Variants in AARD observed in about 807,000 individuals in gnomAD.
The protein encoded by AARD is alanine and arginine rich domain containing protein.
In AARD, 9 loss-of-function variants were observed where a neutral mutation model predicts 9.3. The ratio of observed to expected loss-of-function variants is 0.97; its 90% CI spans 0.58 to 1.69. AARD has a LOEUF of 1.69. Among genes scored for constraint, AARD ranks in the 40% most tolerant of loss-of-function variants. AARD has a pLI of 0.00. For missense variants in AARD, 236 were observed against 210.3 expected (o/e 1.12, Z -0.76); for synonymous variants, 91 against 93.8 (o/e 0.97, Z 0.17).
Position 116,938,491 on chromosome 8 carries a change from C to T in AARD, c.248C>T (p.Ala83Val), listed in dbSNP as rs566716899. Reference protein sequence around the residue: ...RAISRRVQEAAAAAAAREEQS... With the variant: ...RAISRRVQEAVAAAAAREEQS... ...ATCTCGAGGCGCGTGCAGGAGGCGG[C>T]GGCGGCGGCGGCGGCGCGGGAGGAG... Residue 83 changes from alanine (A) to valine (V), a missense_variant, in exon 1 of 2, where the codon GCG (alanine) becomes GTG (valine). Ala to Val is a moderately conservative substitution (Grantham distance 64). Transcript: ENST00000378279. 3 of 1,531,544 alleles carry T rather than the reference C, an allele frequency of 2.0e-6. No homozygotes were observed. The highest frequency in any genetic ancestry group is 2.6e-6 in the Non-Finnish European group (3 of 1,146,094). The allele number at this position is 1,531,544 out of a possible 1,614,324, so 94.9% of individuals were successfully genotyped here. A position where few individuals can be genotyped will look rare whatever the true frequency, so the allele number is the denominator to read the frequency against.
Position 116,942,486 on chromosome 8 carries a change from T to C in AARD, c.325-72T>C, listed in dbSNP as rs113167194. On this transcript the variant is annotated intron_variant, in intron 1 of 1. Transcript: ENST00000378279. ...TCCTACAAACTTCTTATTTCTTCTGTGTAGTCAGAGAGTGGTTTCATTTGA... is the reference window on the plus strand; with the variant it reads ...TCCTACAAACTTCTTATTTCTTCTGCGTAGTCAGAGAGTGGTTTCATTTGA... The C allele has an allele frequency of 3.1e-6, 4 of 1,293,872 alleles. No homozygotes were observed. The South Asian group carries it at 4.4e-5, about 14-fold the overall frequency. 80.1% of individuals were successfully genotyped at this position (1,293,872 alleles called of 1,614,324 possible).
chr8:116,938,655 ACC>A, intron 1 of AARD, 88 bp downstream of exon 1: 1 of 1,369,810 alleles, frequency 7.3e-7, no homozygotes, highest in Non-Finnish European at 9.4e-7. Context: ...CGCGTAGCCC[ACC>A]CGACGCCTTG....
intron 1 of AARD, among the ~76,000 whole-genome samples, chr8:116,941,862 T>C (rs1419406864): frequency 6.6e-6 from 1 of 152,154 alleles, no homozygotes; most frequent in African/African-American, 2.4e-5. Context: ...TGATCATTAG[T>C]TTTCAGTTAT....
Position 116,940,612 on chromosome 8 carries a change from CAT to C in AARD, c.325-1941_325-1940del, listed in dbSNP as rs574043357. On this transcript the variant is annotated intron_variant, in intron 1 of 1. Coordinates refer to ENST00000378279, the MANE Select transcript of AARD (RefSeq NM_001025357.3). ...TTAACTGGATTTTTACAGGAACTGA[CAT>C]ATATTCCTATACAAGTGTACATGTA... 2.6e-3 allele frequency among the ~76,000 whole-genome samples: 397 copies of C among 152,248 alleles called. 6 individuals are homozygous for C. The highest frequency in any genetic ancestry group is 8.8e-3 in the African/African-American group (366 of 41,528).
At chr8:116,941,694 A>C (rs2130552283) in intron 1 of AARD, among the ~76,000 whole-genome samples, 1 of 152,336 alleles carries the variant, frequency 6.6e-6, no homozygotes, top group East Asian at 1.9e-4. Flanking sequence ...TATTTTGCAA[A>C]TCAGATGACC....
Position 116,941,624 on chromosome 8 carries a change from C to A in AARD, c.325-934C>A, listed in dbSNP as rs113691345. ...GCTGTCAGAAAAATGATTCTAGGTG[C>A]TTCAGAATGGAGAGGAATGTCTCAG... is the stretch of plus-strand genomic sequence containing the variant. On this transcript the variant is annotated intron_variant, in intron 1 of 1. Transcript: ENST00000378279. 7.5e-3 allele frequency among the ~76,000 whole-genome samples: 1,142 copies of A among 152,238 alleles called. 14 individuals are homozygous for A. The highest frequency in any genetic ancestry group is 0.062 in the East Asian group (321 of 5,188).
Position 116,938,497 on chromosome 8 carries a change from C to G in AARD, c.254C>G (p.Ala85Gly), listed in dbSNP as rs534177737. 96 of 1,537,164 alleles carry G rather than the reference C, an allele frequency of 6.2e-5. 1 individual carries two copies. In the South Asian group the frequency reaches 1.0e-3, roughly 16 times the overall value. ...ISRRVQEAAA[A>G]AAAREEQSWT... The stretch of plus-strand genomic sequence containing the variant: ...AGGCGCGTGCAGGAGGCGGCGGCGG[C>G]GGCGGCGGCGCGGGAGGAGCAGAGC... The change falls in exon 1 of 2, where the codon GCG (alanine) becomes GGG (glycine). Residue 85 changes from alanine (A) to glycine (G), a missense_variant. Physicochemically the swap from Ala to Gly is moderately conservative, Grantham distance 60 (BLOSUM62 0). Transcript: ENST00000378279.
chr8:116,943,183 T>G lies in AARD; in HGVS notation c.*482T>G, dbSNP rs982991344. 1 of 151,780 alleles carries G rather than the reference T, an allele frequency of 6.6e-6. No homozygotes were observed. Among genetic ancestry groups the G allele is most frequent in the Non-Finnish European group, 1.5e-5 (1 of 68,008 alleles). 9.4% of individuals were successfully genotyped at this position (151,780 alleles called of 1,614,324 possible). A position where few individuals can be genotyped will look rare whatever the true frequency, so the allele number is the denominator to read the frequency against. ...ACATCTAAGAGAGGGGAGAGAAAAA[T>G]GATGTATTACCAAGTTTTAAAGTTA... On this transcript the variant is annotated 3_prime_UTR_variant, in exon 2 of 2. Coordinates refer to ENST00000378279, the MANE Select transcript of AARD (RefSeq NM_001025357.3).
Position 116,943,051 on chromosome 8 carries a change from A to G in AARD, c.*350A>G, listed in dbSNP as rs1030724370. 1.3e-5 allele frequency: 2 copies of G among 159,552 alleles called. No homozygotes were observed. Among genetic ancestry groups the G allele is most frequent in the Non-Finnish European group, 2.7e-5 (2 of 72,792 alleles). The allele number at this position is 159,552 out of a possible 1,614,324, so 9.9% of individuals were successfully genotyped here. On this transcript the variant is annotated 3_prime_UTR_variant, in exon 2 of 2. Transcript: ENST00000378279. ...ACGCGAAGCTCTGGATCCTAAAACTAACGCATACAACCCTGAAACAATTCT... is the reference window on the plus strand; with the variant it reads ...ACGCGAAGCTCTGGATCCTAAAACTGACGCATACAACCCTGAAACAATTCT...
At position 116,944,474 on chromosome 8, in the gene AARD, G is replaced by T. The variant is rs975159710; in HGVS notation, c.*1773G>T. On this transcript the variant is annotated 3_prime_UTR_variant, in exon 2 of 2. Transcript: ENST00000378279. Reference sequence around the variant, plus strand: ...AATAAAAATAAAATAAATGCAAGTTGTTTTATGTGTGTGAGGATCTGAGAA... The same window carrying T: ...AATAAAAATAAAATAAATGCAAGTTTTTTTATGTGTGTGAGGATCTGAGAA... 3 of 152,156 alleles carry T rather than the reference G, an allele frequency of 2.0e-5. No homozygotes were observed. The highest frequency in any genetic ancestry group is 7.2e-5 in the African/African-American group (3 of 41,430). The allele number at this position is 152,156 out of a possible 1,614,324, so 9.4% of individuals were successfully genotyped here.
Position 116,938,477 on chromosome 8 carries a change from C to A in AARD, c.234C>A (p.Arg78=). 6.3e-7 allele frequency: 1 copy of A among 1,578,138 alleles called. No individual in the cohort carries two copies. Among genetic ancestry groups the A allele is most frequent in the Non-Finnish European group, 8.6e-7 (1 of 1,164,792 alleles). ...CGGTGCAGCGCGCGATCTCGAGGCG[C>A]GTGCAGGAGGCGGCGGCGGCGGCGG... The part of the protein sequence containing the change: ...QWAVQRAISR[R]VQEAAAAAAA... Residue 78 remains arginine (R), a synonymous_variant, in exon 1 of 2, where the codon CGC becomes CGA. Transcript: ENST00000378279.
At position 116,943,962 on chromosome 8, in the gene AARD, G is replaced by T. The variant is rs1284137381; in HGVS notation, c.*1261G>T. ...ACCCGAAAAGTGCTGTCTTTTTAAT[G>T]CAAACAGTAAAGTTAATAAAAAATA... is the stretch of plus-strand genomic sequence containing the variant. On this transcript the variant is annotated 3_prime_UTR_variant, in exon 2 of 2. Coordinates refer to ENST00000378279, the MANE Select transcript of AARD (RefSeq NM_001025357.3). 1 of 152,038 alleles carries T rather than the reference G, an allele frequency of 6.6e-6. No homozygotes were observed. The highest frequency in any genetic ancestry group is 2.4e-5 in the African/African-American group (1 of 41,394). The allele number at this position is 152,038 out of a possible 1,614,324, so 9.4% of individuals were successfully genotyped here.
At chr8:116,941,052 A>C (rs567197646) in intron 1 of AARD, among the ~76,000 whole-genome samples, 1 of 152,164 alleles carries the variant, frequency 6.6e-6, no homozygotes, top group African/African-American at 2.4e-5. Flanking sequence ...TAATTAATTA[A>C]TTCACTCACT....
chr8:116,941,141 A>C (rs968461991), intron 1 of AARD, among the ~76,000 whole-genome samples: 1 of 152,186 alleles, frequency 6.6e-6, no homozygotes, highest in Admixed American at 6.5e-5. Flanking sequence ...AATTATGAAT[A>C]ATATACAGCC....
At chr8:116,940,514 A>T (rs1270527219) in intron 1 of AARD, among the ~76,000 whole-genome samples, 1 of 152,214 alleles carries the variant, frequency 6.6e-6, no homozygotes, top group African/African-American at 2.4e-5. Flanking sequence ...GTCATAAAGA[A>T]GAGGCAAAGG....
intron 1 of AARD, among the ~76,000 whole-genome samples, chr8:116,939,733 A>C (rs908928061): frequency 4.6e-5 from 7 of 152,370 alleles, no homozygotes; most frequent in South Asian, 4.1e-4. Context: ...TTATCCAACA[A>C]TGTCAAAGAA....
At chr8:116,942,472 T>G in intron 1 of AARD, 86 bp from the exon 2 acceptor site, 1 of 1,174,730 alleles carries the variant, frequency 8.5e-7, no homozygotes, top group Non-Finnish European at 1.2e-6. Context: ...CCTACAAACT[T>G]CTTATTTCTT....
In AARD at chr8:116,942,549, A is replaced by T; in HGVS notation, c.325-9A>T. The T allele has an allele frequency of 6.2e-7, 1 of 1,602,480 alleles. No individual in the cohort carries two copies. On this transcript the variant is annotated splice_polypyrimidine_tract_variant and intron_variant, in intron 1 of 1. Transcript: ENST00000378279. ...GCTAATAAAATTTTTATTTTTTTCT[A>T]ACTTTTAGGTGGAAATGCATTTCCA...
intron 1 of AARD, among the ~76,000 whole-genome samples, chr8:116,941,431 C>T (rs1197361226): frequency 1.3e-5 from 2 of 152,104 alleles, no homozygotes; most frequent in Non-Finnish European, 2.9e-5. Flanking sequence ...GAAAGAGGGC[C>T]AGGAAAGGAA....
Sources: gnomAD v4.1 joint callset for allele counts (sites outside exome capture counted in the v4.1 genomes callset) on GRCh38, gnomAD v4.1.1 for gene constraint, MANE v1.5 for transcripts, NCBI Gene and HGNC (gene_info 2026-07-23, HGNC 2026-07-21) for gene names.